The following EPB41L4B variants were observed in gnomAD, a reference collection of about 807,000 sequenced individuals.
EPB41L4B encodes erythrocyte membrane protein band 4.1 like 4B, also known as band 4.1-like protein 4B.
A neutral mutation model predicts 112.5 loss-of-function variants in EPB41L4B; 30 were observed. The ratio of observed to expected loss-of-function variants is 0.27; its 90% CI spans 0.20 to 0.36. The LOEUF is 0.36. Ranked by LOEUF, EPB41L4B falls within the 10% of genes least tolerant of loss-of-function variation. The probability of loss-of-function intolerance (pLI) is 1.00; values close to 1 mark genes in which losing one functional copy is unlikely to be tolerated. For missense variants in EPB41L4B, 1,024 were observed against 1,133.3 expected (o/e 0.90, Z 1.38); for synonymous variants, 408 against 439.7 (o/e 0.93, Z 0.90).
At chr9:109,226,908 G>A (rs1288750027) in intron 15 of EPB41L4B, among the ~76,000 whole-genome samples, 5 of 151,318 alleles carry the variant, frequency 3.3e-5, no homozygotes, top group Non-Finnish European at 1.5e-5. Context: ...CACAATCATA[G>A]CTCACTTGCA....
At chr9:109,220,423 G>A (rs1018493860) in intron 15 of EPB41L4B, among the ~76,000 whole-genome samples, 2 of 152,190 alleles carry the variant, frequency 1.3e-5, no homozygotes, top group African/African-American at 2.4e-5. Context: ...TGTTTTGAGC[G>A]CTGTGTGGAG....
At chr9:109,299,622 T>C (rs945670861) in intron 1 of EPB41L4B, among the ~76,000 whole-genome samples, 4 of 152,122 alleles carry the variant, frequency 2.6e-5, no homozygotes, top group Non-Finnish European at 4.4e-5. Flanking sequence ...AAGCATCACA[T>C]ACCTAGACAA....
chr9:109,203,637 C>A, intron 19 of EPB41L4B, 26 bp downstream of exon 19: 1 of 1,559,780 alleles, frequency 6.4e-7, no homozygotes, highest in Admixed American at 1.7e-5. Flanking sequence ...AATATCATTT[C>A]CCCATTCAGA....
chr9:109,264,796 T>G (rs952116320), intron 5 of EPB41L4B, among the ~76,000 whole-genome samples, 184 bp downstream of exon 5: 1 of 152,220 alleles, frequency 6.6e-6, no homozygotes, highest in Non-Finnish European at 1.5e-5. Context: ...TCAAGCCATA[T>G]AGTAATCATT....
chr9:109,199,933 G>A (rs556544900), intron 20 of EPB41L4B, among the ~76,000 whole-genome samples: 3 of 152,240 alleles, frequency 2.0e-5, no homozygotes, highest in African/African-American at 7.2e-5. Flanking sequence ...CCCGGATACA[G>A]AAGACCCAGC....
intron 7 of EPB41L4B, among the ~76,000 whole-genome samples, chr9:109,257,784 C>G (rs1835037495): frequency 6.6e-6 from 1 of 152,156 alleles, no homozygotes; most frequent in South Asian, 2.1e-4. Flanking sequence ...CACTTGAGCT[C>G]AGGAGTTTGA....
intron 24 of EPB41L4B, among the ~76,000 whole-genome samples, chr9:109,181,016 T>C (rs1209201640): frequency 1.3e-5 from 2 of 152,162 alleles, no homozygotes; most frequent in Non-Finnish European, 2.9e-5. Context: ...TTTGGCAGAA[T>C]TTTTTAAAAA....
In EPB41L4B at chr9:109,225,247, T is replaced by G. The variant is rs527269722; in HGVS notation, c.1410-8102A>C. ...AAATATCAGTGCATTTGGTACATAT[T>G]TGAAGGCCAGCTCTTGTGCCTGGTA... On this transcript the variant is annotated intron_variant, in intron 15 of 25. Transcript: ENST00000374566. Among the ~76,000 whole-genome samples the G allele has an allele frequency of 5.9e-5, 9 of 152,356 alleles. No individual in the cohort carries two copies. The South Asian group carries it at 1.9e-3, about 32-fold the overall frequency.
intron 1 of EPB41L4B, among the ~76,000 whole-genome samples, chr9:109,307,784 C>T (rs1163171271): frequency 6.6e-6 from 1 of 152,122 alleles, no homozygotes; most frequent in African/African-American, 2.4e-5. Flanking sequence ...GAGAAAGCCC[C>T]AGCTCTCATG....
intron 1 of EPB41L4B, among the ~76,000 whole-genome samples, chr9:109,288,871 C>G (rs1278047336): frequency 6.6e-6 from 1 of 151,216 alleles, no homozygotes; most frequent in Non-Finnish European, 1.5e-5. Context: ...TGCACTCTAG[C>G]CTGGATAACA....
chr9:109,226,695 T>TGAA (rs35569532), intron 15 of EPB41L4B, among the ~76,000 whole-genome samples: 63,682 of 113,700 alleles, frequency 0.56, 17,512 homozygotes, highest in African/African-American at 0.66. Flanking sequence ...AATATATATA[T>TGAA]GAATATATAT....
intron 5 of EPB41L4B, among the ~76,000 whole-genome samples, chr9:109,264,559 A>G (rs1029199032): frequency 6.6e-6 from 1 of 152,218 alleles, no homozygotes; most frequent in Non-Finnish European, 1.5e-5. Context: ...GAGATGTCTA[A>G]AACTTTCTAC....
chr9:109,230,958 C>T (rs1208386845), intron 15 of EPB41L4B, among the ~76,000 whole-genome samples: 1 of 152,034 alleles, frequency 6.6e-6, no homozygotes, highest in Non-Finnish European at 1.5e-5. Flanking sequence ...GAGTTCGAGA[C>T]CAGCCTGGCC....
chr9:109,270,191 C>T (rs1254682781), intron 2 of EPB41L4B, among the ~76,000 whole-genome samples: 1 of 151,816 alleles, frequency 6.6e-6, no homozygotes, highest in Non-Finnish European at 1.5e-5. Flanking sequence ...CTGATGTAGG[C>T]CTGTATTTAT....
intron 17 of EPB41L4B, among the ~76,000 whole-genome samples, chr9:109,209,283 G>C (rs572373438): frequency 6.6e-6 from 1 of 151,824 alleles, no homozygotes. Flanking sequence ...AGACCAAGCA[G>C]AACTTTCCAA....
chr9:109,178,591 G>A (rs1284735573), intron 24 of EPB41L4B, among the ~76,000 whole-genome samples: 1 of 151,976 alleles, frequency 6.6e-6, no homozygotes, highest in Non-Finnish European at 1.5e-5. Context: ...CAGAACAAGG[G>A]CTAGCTGACA....
At chr9:109,282,057 C>T (rs929658078) in intron 1 of EPB41L4B, among the ~76,000 whole-genome samples, 4 of 152,062 alleles carry the variant, frequency 2.6e-5, no homozygotes, top group African/African-American at 9.7e-5. Context: ...ATCATTTGGC[C>T]GTAAAAAAGA....
At chr9:109,189,994 G>A (rs1832403475) in intron 22 of EPB41L4B, among the ~76,000 whole-genome samples, 1 of 152,116 alleles carries the variant, frequency 6.6e-6, no homozygotes, top group African/African-American at 2.4e-5. Flanking sequence ...GGAATGCAGT[G>A]GCGTGACCCT....
At chr9:109,254,588 T>C (rs1487553074) in intron 11 of EPB41L4B, among the ~76,000 whole-genome samples, 1 of 152,120 alleles carries the variant, frequency 6.6e-6, no homozygotes, top group African/African-American at 2.4e-5. Flanking sequence ...CAAATGTAAA[T>C]AGGCCTCAAA....
Sources: allele counts gnomAD v4.1 joint callset (sites outside exome capture counted in the v4.1 genomes callset), GRCh38; gene constraint gnomAD v4.1.1; transcripts MANE v1.5; gene names NCBI Gene and HGNC (gene_info 2026-07-23, HGNC 2026-07-21).